Variants in DLG2 observed in about 807,000 individuals in gnomAD.
DLG2 encodes disks large homolog 2.
DLG2 carries 45 observed loss-of-function variants against 132.5 expected under a neutral mutation model. The ratio of observed to expected loss-of-function variants is 0.34; its 90% CI spans 0.27 to 0.44. DLG2 has a LOEUF of 0.44. Ranked by LOEUF, DLG2 falls within the 20% of genes least tolerant of loss-of-function variation. The pLI is 1.00. For synonymous variants in DLG2, 424 were observed against 419.6 expected, an observed-to-expected ratio of 1.01 and a Z score of -0.13; for missense variants, 1,045 against 1,196.9, an observed-to-expected ratio of 0.87 and a Z score of 1.87.
chr11:84,286,829 C>T (rs988873878), intron 7 of DLG2, among the ~76,000 whole-genome samples: 3 of 152,122 alleles, frequency 2.0e-5, no homozygotes, highest in African/African-American at 7.2e-5. Context: ...TGTTAGAATC[C>T]CTTTACTGTT....
intron 6 of DLG2, among the ~76,000 whole-genome samples, chr11:84,727,893 C>T (rs1421248480): frequency 2.0e-5 from 3 of 151,754 alleles, no homozygotes; most frequent in Non-Finnish European, 4.4e-5. Context: ...ATTTGGCTCT[C>T]TGTCTGTTAT....
chr11:84,446,431 C>A (rs1271127240), intron 7 of DLG2, among the ~76,000 whole-genome samples: 1 of 152,044 alleles, frequency 6.6e-6, no homozygotes, highest in Non-Finnish European at 1.5e-5. Flanking sequence ...CTGAGATTAT[C>A]TTTAGAAAGA....
chr11:83,462,004 G>T lies in DLG2; in HGVS notation c.2819C>A (p.Thr940Lys). 6.2e-7 allele frequency: 1 copy of T among 1,602,758 alleles called. No individual in the cohort carries two copies. Among genetic ancestry groups the T allele is most frequent in the Non-Finnish European group, 8.5e-7 (1 of 1,169,670 alleles). The stretch of plus-strand genomic sequence containing the variant: ...TACCAGGGTAAAAGTGAACTTACCT[G>T]TAAAATATTCTCCAAATTCTTGTTC... ...KLEQEFGEYF[T>K]AIVQGDTLED... The change falls in exon 27 of 28, where the codon ACA becomes AAA. Residue 940 changes from threonine to lysine, a missense_variant and splice_region_variant. By Grantham distance (78) the Thr-to-Lys change is moderately conservative. Transcript: ENST00000376104.
At chr11:83,679,354 T>A (rs1481926289) in intron 18 of DLG2, among the ~76,000 whole-genome samples, 1 of 152,168 alleles carries the variant, frequency 6.6e-6, no homozygotes, top group Non-Finnish European at 1.5e-5. Context: ...AGGGCTGGAA[T>A]TCTGGCCTAG....
chr11:85,289,891 A>G (rs2078786946), intron 3 of DLG2, among the ~76,000 whole-genome samples: 2 of 152,128 alleles, frequency 1.3e-5, no homozygotes, highest in African/African-American at 4.8e-5. Flanking sequence ...ATCTACTCAA[A>G]TAGTTATTTC....
intron 11 of DLG2, among the ~76,000 whole-genome samples, chr11:83,995,784 A>G (rs2093990548): frequency 6.6e-6 from 1 of 152,196 alleles, no homozygotes; most frequent in South Asian, 2.1e-4. Context: ...CAGAAGAATG[A>G]AACTAGACCC....
At chr11:84,254,917 A>G (rs1301996606) in intron 7 of DLG2, among the ~76,000 whole-genome samples, 1 of 152,236 alleles carries the variant, frequency 6.6e-6, no homozygotes, top group Non-Finnish European at 1.5e-5. Flanking sequence ...ATAAACATAT[A>G]TCACATACAC....
chr11:84,648,759 C>A (rs1940069), intron 6 of DLG2, among the ~76,000 whole-genome samples: 34,483 of 151,104 alleles, frequency 0.23, 5,250 homozygotes, highest in African/African-American at 0.44. Flanking sequence ...CTCTCTCTCT[C>A]TATATATACA....
Position 84,251,225 on chromosome 11 carries a change from A to G in DLG2, c.573+13T>C. The G allele has an allele frequency of 6.4e-7, 1 of 1,554,884 alleles. No homozygotes were observed. The highest frequency in any genetic ancestry group is 8.7e-7 in the Non-Finnish European group (1 of 1,147,176). ...CAGTTTTAAAAGAAGGTAGTAATGA[A>G]AAAGTTACTTACATAAGGAATTGTG... On this transcript the variant is annotated intron_variant, in intron 8 of 27. Coordinates refer to ENST00000376104, the MANE Select transcript of DLG2 (RefSeq NM_001142699.3).
intron 6 of DLG2, among the ~76,000 whole-genome samples, chr11:84,643,105 G>C (rs183247334): frequency 1.6e-4 from 24 of 152,216 alleles, no homozygotes; most frequent in Admixed American, 1.3e-3. Context: ...GTAGACACCT[G>C]TTAATACATT....
intron 8 of DLG2, among the ~76,000 whole-genome samples, chr11:84,213,750 C>T (rs563524249): frequency 1.2e-3 from 167 of 140,238 alleles, no homozygotes; most frequent in African/African-American, 4.3e-3. Flanking sequence ...ACCCGAGAGG[C>T]GGAGCTTGCA....
chr11:84,847,409 T>C (rs1027758838), intron 6 of DLG2, among the ~76,000 whole-genome samples: 2 of 152,178 alleles, frequency 1.3e-5, no homozygotes, highest in Admixed American at 6.5e-5. Flanking sequence ...CCAGGAAGAA[T>C]ACTGAAATTG....
chr11:83,880,320 C>A (rs17558872), intron 15 of DLG2, among the ~76,000 whole-genome samples: 14,673 of 152,058 alleles, frequency 0.096, 845 homozygotes, highest in Middle Eastern at 0.2. Context: ...AATAGTAAAC[C>A]ATCAGGGTGA....
intron 19 of DLG2, among the ~76,000 whole-genome samples, chr11:83,568,376 G>A (rs2096743459): frequency 6.6e-6 from 1 of 152,060 alleles, no homozygotes; most frequent in Admixed American, 6.6e-5. Context: ...ATTTGCAAAG[G>A]GTGAGCATGA....
intron 11 of DLG2, among the ~76,000 whole-genome samples, chr11:84,023,144 T>C (rs1221473117): frequency 6.6e-6 from 1 of 152,142 alleles, no homozygotes; most frequent in Non-Finnish European, 1.5e-5. Context: ...ACTACTAAAA[T>C]TATAAATAGT....
intron 19 of DLG2, among the ~76,000 whole-genome samples, chr11:83,570,621 A>G (rs540559320): frequency 1.3e-5 from 2 of 152,330 alleles, no homozygotes; most frequent in South Asian, 2.1e-4. Flanking sequence ...AGAGAATAAC[A>G]ACATTTTAGA....
intron 3 of DLG2, among the ~76,000 whole-genome samples, chr11:85,421,446 T>A (rs561225353): frequency 2.6e-5 from 4 of 151,900 alleles, no homozygotes; most frequent in Non-Finnish European, 5.9e-5. Flanking sequence ...TGCTGTTGCT[T>A]TGAAGTTTGT....
At chr11:84,318,084 C>T (rs540365578) in intron 7 of DLG2, among the ~76,000 whole-genome samples, 92 of 152,232 alleles carry the variant, frequency 6.0e-4, no homozygotes, top group African/African-American at 2.0e-3. Context: ...ATAGAGTCTG[C>T]GTTTTAAAGT....
chr11:84,841,531 G>T (rs2080690036), intron 6 of DLG2, among the ~76,000 whole-genome samples: 3 of 151,862 alleles, frequency 2.0e-5, no homozygotes, highest in South Asian at 4.1e-4. Flanking sequence ...TTTTTCATCT[G>T]TTTTGTTTAC....
Sources: gnomAD v4.1 joint callset for allele counts (sites outside exome capture counted in the v4.1 genomes callset) on GRCh38, gnomAD v4.1.1 for gene constraint, MANE v1.5 for transcripts, NCBI Gene and HGNC (gene_info 2026-07-23, HGNC 2026-07-21) for gene names.